GRM3: variants seen among roughly 807,000 people sequenced by gnomAD.
GRM3 encodes the protein metabotropic glutamate receptor 3.
GRM3 carries 26 observed loss-of-function variants against 70.5 expected under a neutral mutation model. The observed-to-expected ratio is 0.37, with a 90% CI of 0.27 to 0.51. GRM3 has a LOEUF of 0.51. Among genes scored for constraint, GRM3 ranks in the 20% least tolerant of loss-of-function variants. The pLI, the probability that GRM3 is intolerant of heterozygous loss-of-function variation, is 0.93. For missense variants in GRM3, 859 were observed against 1,123.8 expected (o/e 0.76, Z 3.37); for synonymous variants, 443 against 434.9 (o/e 1.02, Z -0.23).
chr7:86,717,345 G>T (rs1196699363), intron 1 of GRM3, among the ~76,000 whole-genome samples: 1 of 151,924 alleles, frequency 6.6e-6, no homozygotes, highest in East Asian at 1.9e-4. Flanking sequence ...ATTCAAGTAT[G>T]TGTGAGCAAT....
At chr7:86,709,690 A>C (rs1162815252) in intron 1 of GRM3, among the ~76,000 whole-genome samples, 4 of 152,016 alleles carry the variant, frequency 2.6e-5, no homozygotes, top group Non-Finnish European at 4.4e-5. Flanking sequence ...AGGGGTTTAG[A>C]CCTTGAAATG....
intron 1 of GRM3, among the ~76,000 whole-genome samples, chr7:86,701,752 A>T (rs1794950781): frequency 6.6e-6 from 1 of 151,964 alleles, no homozygotes; most frequent in Non-Finnish European, 1.5e-5. Flanking sequence ...AATTTCTAAG[A>T]GTGGCTTTTT....
intron 3 of GRM3, among the ~76,000 whole-genome samples, chr7:86,805,141 G>C (rs1460164003): frequency 6.6e-6 from 1 of 152,104 alleles, no homozygotes; most frequent in Non-Finnish European, 1.5e-5. Flanking sequence ...AAGATAAAGA[G>C]GATGGTAGTA....
At chr7:86,770,910 C>T (rs567503541) in intron 2 of GRM3, among the ~76,000 whole-genome samples, 1 of 152,160 alleles carries the variant, frequency 6.6e-6, no homozygotes, top group South Asian at 2.1e-4. Context: ...TAAGGCTGTC[C>T]TGTACATGGT....
chr7:86,735,062 G>A (rs566552903), intron 1 of GRM3, among the ~76,000 whole-genome samples: 1 of 152,312 alleles, frequency 6.6e-6, no homozygotes, highest in South Asian at 2.1e-4. Context: ...ATTTGCATAT[G>A]AAGCTGGATA....
At chr7:86,805,007 G>C (rs904084847) in intron 3 of GRM3, among the ~76,000 whole-genome samples, 3 of 152,060 alleles carry the variant, frequency 2.0e-5, no homozygotes, top group Non-Finnish European at 4.4e-5. Flanking sequence ...CCAGCTACCT[G>C]GGAGGTTGAG....
chr7:86,661,312 C>A (rs1482440669), intron 1 of GRM3, among the ~76,000 whole-genome samples: 1 of 151,976 alleles, frequency 6.6e-6, no homozygotes, highest in East Asian at 1.9e-4. Flanking sequence ...AATATCTTCA[C>A]ACATGTAAAA....
chr7:86,809,971 C>T (rs1048199551), intron 3 of GRM3, among the ~76,000 whole-genome samples: 1 of 152,004 alleles, frequency 6.6e-6, no homozygotes, highest in African/African-American at 2.4e-5. Flanking sequence ...AAGGAAAGAA[C>T]AGGAGTAGCT....
intron 1 of GRM3, among the ~76,000 whole-genome samples, chr7:86,725,754 A>G (rs141201161): frequency 3.9e-5 from 6 of 152,232 alleles, no homozygotes; most frequent in African/African-American, 1.4e-4. Context: ...ACAGAAATTT[A>G]TTTCTCATGC....
At chr7:86,860,375 T>C (rs938102085) in intron 5 of GRM3, among the ~76,000 whole-genome samples, 30 of 152,240 alleles carry the variant, frequency 2.0e-4, no homozygotes, top group African/African-American at 7.2e-4. Context: ...AAAACAATAA[T>C]TTTCCCTACT....
intron 3 of GRM3, among the ~76,000 whole-genome samples, chr7:86,825,328 A>G (rs1798210200): frequency 6.6e-6 from 1 of 152,268 alleles, no homozygotes; most frequent in Non-Finnish European, 1.5e-5. Context: ...CCAGGGGAAT[A>G]GAAACCCTTT....
At chr7:86,792,796 C>T (rs1797451654) in intron 3 of GRM3, among the ~76,000 whole-genome samples, 1 of 152,054 alleles carries the variant, frequency 6.6e-6, no homozygotes, top group African/African-American at 2.4e-5. Flanking sequence ...TTTTGTTCTG[C>T]TTTGGTTTGG....
chr7:86,756,882 C>A (rs1248885008), intron 1 of GRM3, among the ~76,000 whole-genome samples: 2 of 152,016 alleles, frequency 1.3e-5, no homozygotes, highest in Admixed American at 1.3e-4. Flanking sequence ...TGTTGAATTT[C>A]TTTTCTATCT....
At chr7:86,736,981 A>G (rs1795876592) in intron 1 of GRM3, among the ~76,000 whole-genome samples, 1 of 152,098 alleles carries the variant, frequency 6.6e-6, no homozygotes, top group Non-Finnish European at 1.5e-5. Flanking sequence ...TATTTTTACC[A>G]TTGTGTCAGA....
At chr7:86,809,024 G>T (rs958843839) in intron 3 of GRM3, among the ~76,000 whole-genome samples, 1 of 152,152 alleles carries the variant, frequency 6.6e-6, no homozygotes, top group Admixed American at 6.6e-5. Context: ...TTTAAATTAT[G>T]ATTATATATC....
At chr7:86,719,009 T>C (rs1220830669) in intron 1 of GRM3, among the ~76,000 whole-genome samples, 1 of 151,958 alleles carries the variant, frequency 6.6e-6, no homozygotes, top group Non-Finnish European at 1.5e-5. Flanking sequence ...TTTAATATCC[T>C]GGACCTTGGA....
chr7:86,767,585 T>C (rs529071459), intron 2 of GRM3, among the ~76,000 whole-genome samples: 30 of 148,284 alleles, frequency 2.0e-4, no homozygotes, highest in Non-Finnish European at 3.9e-4. Context: ...ATTTCATATA[T>C]GTGTATATAT....
chr7:86,737,737 A>G (rs1341031143), intron 1 of GRM3, among the ~76,000 whole-genome samples: 1 of 152,238 alleles, frequency 6.6e-6, no homozygotes, highest in East Asian at 1.9e-4. Context: ...CTAGTGATTA[A>G]TAAGGATTTA....
chr7:86,670,274 G>A (rs193190975), intron 1 of GRM3, among the ~76,000 whole-genome samples: 1 of 152,266 alleles, frequency 6.6e-6, no homozygotes, highest in East Asian at 1.9e-4. Flanking sequence ...AACTCAAATA[G>A]GGTAAAGAAC....
Sources: gnomAD v4.1 joint callset for allele counts (sites outside exome capture counted in the v4.1 genomes callset) on GRCh38, gnomAD v4.1.1 for gene constraint, MANE v1.5 for transcripts, NCBI Gene and HGNC (gene_info 2026-07-23, HGNC 2026-07-21) for gene names.